Variants in RIMBP2 observed in about 807,000 individuals in gnomAD.
RIMBP2 encodes the protein RIMS-binding protein 2.
In RIMBP2, 48 loss-of-function variants were observed where a neutral mutation model predicts 118.6. That is an observed-to-expected ratio of 0.40 (90% CI 0.32 to 0.51). The LOEUF is 0.51. Ranked by LOEUF, RIMBP2 falls within the 20% of genes least tolerant of loss-of-function variation. RIMBP2 has a pLI of 0.41. For synonymous variants in RIMBP2, 762 were observed against 742.9 expected, an observed-to-expected ratio of 1.03 and a Z score of -0.42; for missense variants, 1,551 against 1,768.3, an observed-to-expected ratio of 0.88 and a Z score of 2.20.
rs1481449913 is a variant in RIMBP2, at chr12:130,683,406, TA to T, written c.-352+32815del. Reference sequence around the variant, plus strand: ...GCTGCGAGAGGATGCATTCAGGTTGTAAAGGCCCCCAGCTCTGATCACTGGC... The same window carrying T: ...GCTGCGAGAGGATGCATTCAGGTTGTAAGGCCCCCAGCTCTGATCACTGGC... On this transcript the variant is annotated intron_variant, in intron 1 of 22. Transcript: ENST00000690449. This position sits in a 1 kb window ranked among gnomAD's most constrained non-coding sequence, Gnocchi z 4.4. Among the ~76,000 whole-genome samples, 1 of 152,142 alleles carries T rather than the reference TA, an allele frequency of 6.6e-6. No individual in the cohort carries two copies. Among genetic ancestry groups the T allele is most frequent in the Non-Finnish European group, 1.5e-5 (1 of 68,036 alleles).
chr12:130,551,497 T>A (rs564356098), intron 2 of RIMBP2, among the ~76,000 whole-genome samples: 27 of 152,368 alleles, frequency 1.8e-4, no homozygotes, highest in Admixed American at 1.3e-4. Flanking sequence ...TTGCTATTTT[T>A]AAAAATATAG....
Position 130,396,614 on chromosome 12 carries a change from T to TATGCCACAGAATAGAACATTAA in RIMBP2, c.*725_*746dup, listed in dbSNP as rs1307449827. The TATGCCACAGAATAGAACATTAA allele has an allele frequency of 6.6e-6, 1 of 152,642 alleles. No individual in the cohort carries two copies. Among genetic ancestry groups the TATGCCACAGAATAGAACATTAA allele is most frequent in the Non-Finnish European group, 1.5e-5 (1 of 68,028 alleles). The allele number at this position is 152,642 out of a possible 1,614,324, so 9.5% of individuals were successfully genotyped here. The stretch of plus-strand genomic sequence containing the variant: ...TGACAACGAAAGTAACAGAAAACCA[T>TATGCCACAGAATAGAACATTAA]ATGCCACAGAATAGAACATTAAAAG... On this transcript the variant is annotated 3_prime_UTR_variant, in exon 23 of 23. Transcript: ENST00000690449.
At chr12:130,605,453 A>G (rs750454228) in intron 2 of RIMBP2, among the ~76,000 whole-genome samples, 1 of 152,248 alleles carries the variant, frequency 6.6e-6, no homozygotes, top group Non-Finnish European at 1.5e-5. Flanking sequence ...GGTATAAAAA[A>G]TGTCCTGGGG....
rs146625626 is a variant in RIMBP2, at chr12:130,438,335, A to ACCCCCCCCCCC, written c.1656+29_1656+30insGGGGGGGGGGG. The ACCCCCCCCCCC allele has an allele frequency of 4.6e-4, 398 of 865,518 alleles. 1 individual carries two copies. Among genetic ancestry groups the ACCCCCCCCCCC allele is most frequent in the Non-Finnish European group, 5.2e-4 (270 of 523,104 alleles). 53.6% of individuals were successfully genotyped at this position (865,518 alleles called of 1,614,324 possible). A position where few individuals can be genotyped will look rare whatever the true frequency, so the allele number is the denominator to read the frequency against. ...TCCCTGCTGCGTTAGGGCCTAACAAACCCTCCCCACCCACCCAACGAAAAC... is the reference window on the plus strand; with the variant it reads ...TCCCTGCTGCGTTAGGGCCTAACAAACCCCCCCCCCCCCCTCCCCACCCACCCAACGAAAAC... On this transcript the variant is annotated intron_variant, in intron 12 of 22. Transcript: ENST00000690449.
chr12:130,445,810 G>A (rs1293544265), intron 9 of RIMBP2, among the ~76,000 whole-genome samples: 1 of 152,152 alleles, frequency 6.6e-6, no homozygotes, highest in Non-Finnish European at 1.5e-5. Context: ...GTTTCCTAAT[G>A]TTGGGCAGTG....
intron 2 of RIMBP2, among the ~76,000 whole-genome samples, chr12:130,592,967 A>C (rs969045603): frequency 5.3e-5 from 8 of 152,128 alleles, no homozygotes; most frequent in Non-Finnish European, 8.8e-5. Flanking sequence ...CGTCAGACCC[A>C]CAAACCTGGT....
At chr12:130,507,078 T>C (rs1210886244) in intron 3 of RIMBP2, among the ~76,000 whole-genome samples, 4 of 152,136 alleles carry the variant, frequency 2.6e-5, no homozygotes, top group African/African-American at 9.7e-5. Flanking sequence ...GATGTGGTGA[T>C]TGGTTGGGGA....
At position 130,576,789 on chromosome 12, in the gene RIMBP2, A is replaced by T. The variant is rs2058113613; in HGVS notation, c.-217+51533T>A. 6.6e-6 allele frequency among the ~76,000 whole-genome samples: 1 copy of T among 152,202 alleles called. No homozygotes were observed. Among genetic ancestry groups the T allele is most frequent in the African/African-American group, 2.4e-5 (1 of 41,466 alleles). On this transcript the variant is annotated intron_variant, in intron 2 of 22. Coordinates refer to ENST00000690449, the MANE Select transcript of RIMBP2 (RefSeq NM_001393629.1). The surrounding 1 kb of genome is among the most constrained non-coding windows in gnomAD (Gnocchi z 4.2). ...AACACAAGCTCCGAGTCCTAAACGA[A>T]TCACACCAGGATGGAGATTGCAGGA...
intron 1 of RIMBP2, among the ~76,000 whole-genome samples, chr12:130,663,326 C>T (rs2063740258): frequency 6.6e-6 from 1 of 152,206 alleles, no homozygotes; most frequent in Admixed American, 6.5e-5. Flanking sequence ...GGCCAGGCAC[C>T]TGTTGACAGA....
rs75637802 is a variant in RIMBP2, at chr12:130,456,782, C to T, written c.154-82G>A. 1.2e-3 allele frequency: 1,314 copies of T among 1,092,838 alleles called. 18 individuals carry two copies. In the African/African-American group the frequency reaches 0.018, roughly 15 times the overall value. The allele number at this position is 1,092,838 out of a possible 1,614,324, so 67.7% of individuals were successfully genotyped here. A position where few individuals can be genotyped will look rare whatever the true frequency, so the allele number is the denominator to read the frequency against. On this transcript the variant is annotated intron_variant, in intron 6 of 22. Coordinates refer to ENST00000690449, the MANE Select transcript of RIMBP2 (RefSeq NM_001393629.1). The stretch of plus-strand genomic sequence containing the variant: ...TGTGCGCCTGTTCACATGTGTTGTA[C>T]GTGTGCACATGTGCACTGTGTGCAC...
intron 1 of RIMBP2, among the ~76,000 whole-genome samples, chr12:130,630,293 G>C (rs565446608): frequency 6.6e-6 from 1 of 151,182 alleles, no homozygotes; most frequent in Non-Finnish European, 1.5e-5. Flanking sequence ...TTATTGTCAA[G>C]TTAATTAATA....
chr12:130,439,318 G>C (rs892185207), intron 11 of RIMBP2, among the ~76,000 whole-genome samples: 7 of 148,828 alleles, frequency 4.7e-5, no homozygotes, highest in Non-Finnish European at 7.5e-5. Flanking sequence ...GGTGTGTATA[G>C]ATGTGTGTAA....
Position 130,664,917 on chromosome 12 carries a change from G to A in RIMBP2, c.-351-36461C>T, listed in dbSNP as rs555213689. Among the ~76,000 whole-genome samples, 108 of 151,870 alleles carry A rather than the reference G, an allele frequency of 7.1e-4. 1 individual carries two copies. Among genetic ancestry groups the A allele is most frequent in the South Asian group, 2.7e-3 (13 of 4,822 alleles). ...AAGGATGGGCCCATTCACAGAGGCC[G>A]GAGGGACAACAGGAAAACTGCCCCT... On this transcript the variant is annotated intron_variant, in intron 1 of 22. Coordinates refer to ENST00000690449, the MANE Select transcript of RIMBP2 (RefSeq NM_001393629.1).
At chr12:130,471,435 G>A (rs997054305) in intron 5 of RIMBP2, among the ~76,000 whole-genome samples, 2 of 152,192 alleles carry the variant, frequency 1.3e-5, no homozygotes, top group Non-Finnish European at 2.9e-5. Flanking sequence ...TCATCATGAT[G>A]GTAAGGACCT....
chr12:130,418,139 A>C (rs181916188), intron 17 of RIMBP2, among the ~76,000 whole-genome samples: 1 of 152,328 alleles, frequency 6.6e-6, no homozygotes, highest in African/African-American at 2.4e-5. Flanking sequence ...AGTCTAACAA[A>C]AGCACTTTGG....
rs933499261 is a variant in RIMBP2, at chr12:130,447,473, C to T, written c.582-2204G>A. 1.3e-5 allele frequency among the ~76,000 whole-genome samples: 2 copies of T among 151,708 alleles called. No homozygotes were observed. Among genetic ancestry groups the T allele is most frequent in the Non-Finnish European group, 1.5e-5 (1 of 67,960 alleles). On this transcript the variant is annotated intron_variant, in intron 9 of 22. Transcript: ENST00000690449. This position sits in a 1 kb window ranked among gnomAD's most constrained non-coding sequence, Gnocchi z 4.4. Reference sequence around the variant, plus strand: ...CAGAAGTAGGTCAGGGGTCACGCAGCGCTGGAGGCGGGGGAGGAGGGACAG... The same window carrying T: ...CAGAAGTAGGTCAGGGGTCACGCAGTGCTGGAGGCGGGGGAGGAGGGACAG...
intron 2 of RIMBP2, among the ~76,000 whole-genome samples, chr12:130,624,141 T>C (rs967040225): frequency 4.6e-5 from 7 of 152,196 alleles, no homozygotes; most frequent in African/African-American, 1.7e-4. Flanking sequence ...AATGTACTCA[T>C]AGGAAATAAC....
At chr12:130,538,992 C>T (rs1402094083) in intron 2 of RIMBP2, among the ~76,000 whole-genome samples, 1 of 152,164 alleles carries the variant, frequency 6.6e-6, no homozygotes, top group Non-Finnish European at 1.5e-5. Flanking sequence ...CACGGCTCTG[C>T]AGAGCTCCTG....
chr12:130,673,358 G>A (rs1018676578), intron 1 of RIMBP2, among the ~76,000 whole-genome samples: 2 of 152,232 alleles, frequency 1.3e-5, no homozygotes, highest in African/African-American at 4.8e-5. Context: ...AGCCTATTTG[G>A]CAAAACCCTA....
Sources: allele counts gnomAD v4.1 joint callset (sites outside exome capture counted in the v4.1 genomes callset), GRCh38; gene constraint gnomAD v4.1.1; non-coding constraint Gnocchi (gnomAD v3.1); transcripts MANE v1.5; gene names NCBI Gene and HGNC (gene_info 2026-07-23, HGNC 2026-07-21).